The following ZFYVE9 variants were observed in gnomAD, a reference collection of about 807,000 sequenced individuals.
The protein encoded by ZFYVE9 is zinc finger FYVE domain-containing protein 9.
A neutral mutation model predicts 126.7 loss-of-function variants in ZFYVE9; 43 were observed. The observed-to-expected ratio is 0.34, with a 90% CI of 0.27 to 0.44. The LOEUF (loss-of-function observed/expected upper bound fraction) is 0.44, where lower values mean the gene tolerates loss of function less well. Among genes scored for constraint, ZFYVE9 ranks in the 20% least tolerant of loss-of-function variants. The pLI is 1.00. For synonymous variants in ZFYVE9, 521 were observed against 597.4 expected (o/e 0.87, Z 1.87); for missense variants, 1,476 against 1,697.0 (o/e 0.87, Z 2.29).
intron 5 of ZFYVE9, among the ~76,000 whole-genome samples, chr1:52,266,285 G>T (rs1226716882): frequency 6.6e-6 from 1 of 151,204 alleles, no homozygotes; most frequent in Non-Finnish European, 1.5e-5. Flanking sequence ...TTTTAGTAGA[G>T]ACGGGGTTTC....
intron 1 of ZFYVE9, among the ~76,000 whole-genome samples, chr1:52,197,882 A>AG (rs1194985235): frequency 1.3e-5 from 2 of 152,184 alleles, no homozygotes; most frequent in African/African-American, 4.8e-5. Context: ...TTGAATGTGA[A>AG]GGGTTCACTG....
Position 52,346,340 on chromosome 1 carries a change from A to AT in ZFYVE9, c.*120dup. The AT allele has an allele frequency of 9.8e-6, 3 of 306,360 alleles. No individual in the cohort carries two copies. The highest frequency in any genetic ancestry group is 3.4e-5 in the South Asian group (1 of 29,642). 19.0% of individuals were successfully genotyped at this position (306,360 alleles called of 1,614,324 possible). Reference sequence around the variant, plus strand: ...GTTAACACTATTAATGGGGTGGGGAATAGGGTGGGAGTGGGGGTTTGGGAG... The same window carrying AT: ...GTTAACACTATTAATGGGGTGGGGAATTAGGGTGGGAGTGGGGGTTTGGGAG... On this transcript the variant is annotated 3_prime_UTR_variant, in exon 19 of 19. Transcript: ENST00000287727.
intron 1 of ZFYVE9, among the ~76,000 whole-genome samples, chr1:52,180,807 C>G (rs1461609531): frequency 1.3e-5 from 2 of 151,698 alleles, no homozygotes; most frequent in African/African-American, 4.8e-5. Context: ...GAAACCCTGT[C>G]TCCACTAAAA....
chr1:52,263,748 G>A, intron 4 of ZFYVE9, 25 bp from the exon 5 acceptor site: 1 of 1,066,808 alleles, frequency 9.4e-7, no homozygotes, highest in Non-Finnish European at 1.3e-6. Flanking sequence ...AATTTTGTGT[G>A]TTCTTCCCCC....
At chr1:52,149,448 TTAACTC>T (rs1337570118) in intron 1 of ZFYVE9, among the ~76,000 whole-genome samples, 1 of 152,182 alleles carries the variant, frequency 6.6e-6, no homozygotes, top group Non-Finnish European at 1.5e-5. Context: ...TAGTTTTTCT[TTAACTC>T]TACTGAAACA....
At chr1:52,305,975 G>A (rs1192915202) in intron 13 of ZFYVE9, among the ~76,000 whole-genome samples, 1 of 152,162 alleles carries the variant, frequency 6.6e-6, no homozygotes, top group African/African-American at 2.4e-5. Context: ...GCTCAATGCT[G>A]GCCTGCAGAC....
chr1:52,324,277 A>G lies in ZFYVE9; in HGVS notation c.3439-8491A>G, dbSNP rs975962255. Among the ~76,000 whole-genome samples, 373 of 151,898 alleles carry G rather than the reference A, an allele frequency of 2.5e-3. 1 individual carries two copies. The highest frequency in any genetic ancestry group is 3.5e-3 in the Admixed American group (53 of 15,286). On this transcript the variant is annotated intron_variant, in intron 13 of 18. Transcript: ENST00000287727. ...AACACACACACACACACACACAAAA[A>G]CAAAAACAAAAACAAAACAAAACAG...
chr1:52,268,409 A>G (rs889857542), intron 6 of ZFYVE9, 54 bp from the exon 7 acceptor site: 2 of 1,565,224 alleles, frequency 1.3e-6, no homozygotes, highest in Non-Finnish European at 1.7e-6. Context: ...CTTTGATGTT[A>G]GAAAACCTTC....
At chr1:52,322,102 C>T (rs940205770) in intron 13 of ZFYVE9, among the ~76,000 whole-genome samples, 1 of 152,160 alleles carries the variant, frequency 6.6e-6, no homozygotes, top group Non-Finnish European at 1.5e-5. Context: ...ACAGGCTTCT[C>T]CATCTAAATT....
intron 7 of ZFYVE9, among the ~76,000 whole-genome samples, chr1:52,274,053 A>G (rs1432022661): frequency 6.6e-6 from 1 of 152,202 alleles, no homozygotes; most frequent in Non-Finnish European, 1.5e-5. Context: ...TTTAAAAGCA[A>G]TATAAATTAG....
In ZFYVE9 at chr1:52,239,104, C is replaced by T. The variant is rs149073048; in HGVS notation, c.1687C>T (p.Pro563Ser). The change falls in exon 4 of 19, where the codon CCC becomes TCC. Residue 563 changes from proline (P) to serine (S), a missense_variant. Pro to Ser is a moderately conservative substitution (Grantham distance 74). This residue lies in a region of ZFYVE9 where 807 missense variants were observed against 794.6 expected (regional missense o/e 1.02). Coordinates refer to ENST00000287727, the MANE Select transcript of ZFYVE9 (RefSeq NM_004799.4). ...TCCATCAGTGCTTGGGCAATCTTCC[C>T]CCAAGGTAGTAGCAAGCCTGCCATC... ...QVPSVLGQSS[P>S]KVVASLPSIS... is the part of the protein sequence containing the mutation. 6.2e-5 allele frequency: 100 copies of T among 1,614,044 alleles called. No homozygotes were observed. The African/African-American group carries it at 1.2e-3, about 20-fold the overall frequency.
chr1:52,157,120 C>T lies in ZFYVE9; in HGVS notation c.-143+14717C>T, dbSNP rs923623736. 5.3e-5 allele frequency among the ~76,000 whole-genome samples: 8 copies of T among 152,256 alleles called. No homozygotes were observed. In the East Asian group the frequency reaches 1.4e-3, roughly 26 times the overall value. The stretch of plus-strand genomic sequence containing the variant: ...GTGCTGGGATTACAGGCGTGAGCCA[C>T]CGCACCCGGCCTCCTTCCCCACTTT... On this transcript the variant is annotated intron_variant, in intron 1 of 18. Coordinates refer to ENST00000287727, the MANE Select transcript of ZFYVE9 (RefSeq NM_004799.4).
intron 17 of ZFYVE9, among the ~76,000 whole-genome samples, chr1:52,342,161 G>A (rs1444686241): frequency 6.6e-6 from 1 of 152,188 alleles, no homozygotes; most frequent in Non-Finnish European, 1.5e-5. Context: ...CTTCGGAGCT[G>A]CCTCCTTTGT....
chr1:52,187,400 G>A (rs139661768), intron 1 of ZFYVE9, among the ~76,000 whole-genome samples: 1 of 152,264 alleles, frequency 6.6e-6, no homozygotes, highest in African/African-American at 2.4e-5. Context: ...TTGGACATAG[G>A]AACTGGCAAA....
chr1:52,236,462 A>G (rs1488086429), intron 3 of ZFYVE9, among the ~76,000 whole-genome samples: 1 of 152,180 alleles, frequency 6.6e-6, no homozygotes, highest in Non-Finnish European at 1.5e-5. Context: ...ATATCTGCAT[A>G]ATTTCAGGAC....
chr1:52,257,159 C>T (rs1322950982), intron 4 of ZFYVE9, among the ~76,000 whole-genome samples: 2 of 151,978 alleles, frequency 1.3e-5, no homozygotes, highest in Non-Finnish European at 2.9e-5. Flanking sequence ...ATGTGGAAAG[C>T]CTGTAGTGGG....
At chr1:52,209,492 G>A (rs922860912) in intron 1 of ZFYVE9, among the ~76,000 whole-genome samples, 21 of 151,680 alleles carry the variant, frequency 1.4e-4, no homozygotes, top group African/African-American at 4.1e-4. Context: ...GTAGTCACAC[G>A]CCATTTCCTC....
intron 1 of ZFYVE9, among the ~76,000 whole-genome samples, chr1:52,176,686 C>T (rs1021000613): frequency 6.6e-6 from 1 of 152,002 alleles, no homozygotes; most frequent in Non-Finnish European, 1.5e-5. Flanking sequence ...CTAAGCAAGC[C>T]TGGGCAATGG....
intron 2 of ZFYVE9, among the ~76,000 whole-genome samples, chr1:52,231,707 T>C (rs1392787214): frequency 1.3e-5 from 2 of 151,794 alleles, no homozygotes; most frequent in Non-Finnish European, 2.9e-5. Flanking sequence ...CACTGCAACC[T>C]CCACCTCCCG....
Sources: allele counts gnomAD v4.1 joint callset (sites outside exome capture counted in the v4.1 genomes callset), GRCh38; gene constraint gnomAD v4.1.1; regional missense constraint gnomAD v4.1.1; transcripts MANE v1.5; gene names NCBI Gene and HGNC (gene_info 2026-07-23, HGNC 2026-07-21).